The following NSD2 variants were observed in gnomAD, a reference collection of about 807,000 sequenced individuals.
The protein encoded by NSD2 is nuclear receptor binding SET domain protein 2, also known as histone-lysine N-methyltransferase NSD2.
In NSD2, 12 loss-of-function variants were observed where a neutral mutation model predicts 139.0. That is an observed-to-expected ratio of 0.09 (90% CI 0.06 to 0.14). The LOEUF is 0.14. Among genes scored for constraint, NSD2 ranks in the 10% least tolerant of loss-of-function variants. The probability of loss-of-function intolerance (pLI) is 1.00; values close to 1 mark genes in which losing one functional copy is unlikely to be tolerated. For missense variants in NSD2, 1,155 were observed against 1,745.0 expected (o/e 0.66, Z 6.02); for synonymous variants, 669 against 648.7 (o/e 1.03, Z -0.48).
chr4:1,939,572 C>T lies in NSD2; in HGVS notation c.1757-82C>T, dbSNP rs1722863060. On this transcript the variant is annotated intron_variant, in intron 8 of 21. Coordinates refer to ENST00000508803, the MANE Select transcript of NSD2 (RefSeq NM_001042424.3). The stretch of plus-strand genomic sequence containing the variant: ...CAGAAGATTCATCTTTAGAACTTCA[C>T]TTATTTGAGGGGTAATTTTTAAGCA... The T allele has an allele frequency of 2.9e-6, 4 of 1,374,292 alleles. No homozygotes were observed. The Admixed American group carries it at 5.5e-5, about 19-fold the overall frequency. The allele number at this position is 1,374,292 out of a possible 1,614,324, so 85.1% of individuals were successfully genotyped here.
chr4:1,874,080 T>C lies in NSD2; in HGVS notation c.-30+2538T>C, dbSNP rs9631824. Among the ~76,000 whole-genome samples the C allele has an allele frequency of 6.7e-3, 1,025 of 152,334 alleles. 10 individuals are homozygous for C. Among genetic ancestry groups the C allele is most frequent in the African/African-American group, 0.023 (974 of 41,570 alleles). On this transcript the variant is annotated intron_variant, in intron 1 of 21. Transcript: ENST00000508803. ...TGGGCAAATAACCTTTCTAAGTAAA[T>C]AATTAATCAGCAGCAACAGAAGCCA...
In NSD2 at chr4:1,955,590, G is replaced by GTTTATAA; in HGVS notation, c.2519-102_2519-96dup. 7.2e-7 allele frequency: 1 copy of GTTTATAA among 1,387,796 alleles called. No homozygotes were observed. The highest frequency in any genetic ancestry group is 2.4e-4 in the Middle Eastern group (1 of 4,082). The allele number at this position is 1,387,796 out of a possible 1,614,324, so 86.0% of individuals were successfully genotyped here. On this transcript the variant is annotated intron_variant, in intron 13 of 21. Transcript: ENST00000508803. This position sits in a 1 kb window ranked among gnomAD's most constrained non-coding sequence, Gnocchi z 4.7. ...TACAGATCGCTGTTTTAAAACTGATGTTTATAAGTTAAGGCTGTAATAAGT... is the reference window on the plus strand; with the variant it reads ...TACAGATCGCTGTTTTAAAACTGATGTTTATAATTTATAAGTTAAGGCTGTAATAAGT...
chr4:1,978,940 G>A lies in NSD2; in HGVS notation c.*31G>A. The A allele has an allele frequency of 6.9e-7, 1 of 1,458,220 alleles. No individual in the cohort carries two copies. The highest frequency in any genetic ancestry group is 9.1e-7 in the Non-Finnish European group (1 of 1,102,940). The allele number at this position is 1,458,220 out of a possible 1,614,324, so 90.3% of individuals were successfully genotyped here. A position where few individuals can be genotyped will look rare whatever the true frequency, so the allele number is the denominator to read the frequency against. ...GGCGGCCGCTTGGCCGGATCCAGGG[G>A]CGGTGCAGGGCGGCCGGCCCTGCCT... On this transcript the variant is annotated 3_prime_UTR_variant, in exon 22 of 22. Coordinates refer to ENST00000508803, the MANE Select transcript of NSD2 (RefSeq NM_001042424.3).
At chr4:1,872,637 C>CGCGAGAGAGA (rs1553856508) in intron 1 of NSD2, among the ~76,000 whole-genome samples, 1 of 81,746 alleles carries the variant, frequency 1.2e-5, no homozygotes, top group Non-Finnish European at 2.5e-5. Context: ...AGAGAGAGAG[C>CGCGAGAGAGA]GCGCAGACCC....
At chr4:1,916,150 TA>T (rs1029651940) in intron 3 of NSD2, among the ~76,000 whole-genome samples, 6 of 151,396 alleles carry the variant, frequency 4.0e-5, no homozygotes, top group African/African-American at 4.8e-5. Context: ...CACTGTGAGA[TA>T]GGGGGGTAGC....
At position 1,981,499 on chromosome 4, in the gene NSD2, A is replaced by G. The variant is rs1727759537; in HGVS notation, c.*2590A>G. The G allele has an allele frequency of 3.9e-6, 1 of 258,338 alleles. No homozygotes were observed. The highest frequency in any genetic ancestry group is 7.4e-6 in the Non-Finnish European group (1 of 135,684). 16.0% of individuals were successfully genotyped at this position (258,338 alleles called of 1,614,324 possible). ...TCCCTCAGGATTCCTTGGCATCCGA[A>G]ACCAGCATCTGCACCTAAACCCATA... On this transcript the variant is annotated 3_prime_UTR_variant, in exon 22 of 22. Transcript: ENST00000508803.
rs982450673 is a variant in NSD2, at chr4:1,980,236, T to G, written c.*1327T>G. The G allele has an allele frequency of 8.6e-6, 2 of 233,032 alleles. No individual in the cohort carries two copies. The highest frequency in any genetic ancestry group is 1.7e-5 in the Non-Finnish European group (2 of 117,992). The allele number at this position is 233,032 out of a possible 1,614,324, so 14.4% of individuals were successfully genotyped here. ...GTCCAGTTCTACAGAGTGAGACCTA[T>G]CTATCTGAGTACTACATATGTTTTA... On this transcript the variant is annotated 3_prime_UTR_variant, in exon 22 of 22. Transcript: ENST00000508803.
At chr4:1,946,156 G>C in intron 9 of NSD2, 2 of 1,025,428 alleles carry the variant, frequency 2.0e-6, no homozygotes, top group East Asian at 1.3e-4. Flanking sequence ...TCTTTTGCCA[G>C]AGAAACTGAG....
rs1427358945 is a variant in NSD2 at position 1,938,306 on chromosome 4, C to G, written c.1675-145C>G. 6 of 653,898 alleles carry G rather than the reference C, an allele frequency of 9.2e-6. No homozygotes were observed. In the African/African-American group the frequency reaches 9.6e-5, roughly 10 times the overall value. 40.5% of individuals were successfully genotyped at this position (653,898 alleles called of 1,614,324 possible). ...AAAGGAAGAAGTTTCTGCCACGAAA[C>G]TTTTCAGCAACCTGTGTTCATTCAC... is the stretch of plus-strand genomic sequence containing the variant. On this transcript the variant is annotated intron_variant, in intron 7 of 21. Transcript: ENST00000508803.
At chr4:1,906,875 G>A (rs1248590792) in intron 3 of NSD2, among the ~76,000 whole-genome samples, 1 of 151,712 alleles carries the variant, frequency 6.6e-6, no homozygotes, top group Non-Finnish European at 1.5e-5. Context: ...TGGCCAGGCT[G>A]GTCTCAAACC....
chr4:1,975,085 C>CTGGA, intron 19 of NSD2, 81 bp downstream of exon 19: 1 of 1,594,306 alleles, frequency 6.3e-7, no homozygotes, highest in Non-Finnish European at 8.6e-7. Context: ...TGGGGCTGGA[C>CTGGA]TGGAAAGGCT....
At chr4:1,903,033 G>A (rs755996685) in intron 2 of NSD2, among the ~76,000 whole-genome samples, 35 of 152,134 alleles carry the variant, frequency 2.3e-4, no homozygotes, top group Non-Finnish European at 4.9e-4. Flanking sequence ...TTAGCTGGGC[G>A]TGGTGGCACT....
chr4:1,874,106 TA>T (rs1714075881), intron 1 of NSD2, among the ~76,000 whole-genome samples: 1 of 152,270 alleles, frequency 6.6e-6, no homozygotes, highest in African/African-American at 2.4e-5. Flanking sequence ...ACAGAAGCCA[TA>T]AGGCTTTTTA....
rs987415573 is a variant in NSD2, at chr4:1,973,043, A to G, written c.3373-1820A>G. Among the ~76,000 whole-genome samples, 4 of 152,116 alleles carry G rather than the reference A, an allele frequency of 2.6e-5. No individual in the cohort carries two copies. The highest frequency in any genetic ancestry group is 1.3e-4 in the Admixed American group (2 of 15,264). ...AATTTTTTGTATTTTTATTAGAGAC[A>G]GTTTCACCATGTTGGCCAGGCTGGT... On this transcript the variant is annotated intron_variant, in intron 18 of 21. Transcript: ENST00000508803. The surrounding 1 kb of genome is among the most constrained non-coding windows in gnomAD (Gnocchi z 5.5).
chr4:1,927,714 T>G (rs532302978), intron 5 of NSD2, among the ~76,000 whole-genome samples: 77 of 89,266 alleles, frequency 8.6e-4, no homozygotes, highest in Middle Eastern at 0.015. Flanking sequence ...GAGACTCTTA[T>G]CTCAGAAAAA....
chr4:1,876,916 A>C (rs1714304988), intron 1 of NSD2, among the ~76,000 whole-genome samples: 1 of 152,012 alleles, frequency 6.6e-6, no homozygotes, highest in Non-Finnish European at 1.5e-5. Context: ...CAGGCAGATC[A>C]CCTGAGGTCA....
At chr4:1,924,528 T>C (rs1048674097) in intron 5 of NSD2, among the ~76,000 whole-genome samples, 9 of 152,120 alleles carry the variant, frequency 5.9e-5, no homozygotes, top group African/African-American at 2.2e-4. Context: ...AGATGGTCCT[T>C]CTAGTGCTAA....
intron 11 of NSD2, chr4:1,952,690 AC>A: frequency 3.8e-6 from 4 of 1,060,316 alleles, no homozygotes; most frequent in Non-Finnish European, 4.6e-6. Flanking sequence ...AACAGAAAGA[AC>A]AGCTCCAGGC....
chr4:1,888,841 C>T (rs999400991), intron 1 of NSD2, among the ~76,000 whole-genome samples: 9 of 151,934 alleles, frequency 5.9e-5, no homozygotes, highest in African/African-American at 1.9e-4. Flanking sequence ...ACTGGGATTA[C>T]AGGCGTGAGC....
Sources: allele counts gnomAD v4.1 joint callset (sites outside exome capture counted in the v4.1 genomes callset), GRCh38; gene constraint gnomAD v4.1.1; non-coding constraint Gnocchi (gnomAD v3.1); transcripts MANE v1.5; gene names NCBI Gene and HGNC (gene_info 2026-07-23, HGNC 2026-07-21).